Variants in TEX10 observed in about 807,000 individuals in gnomAD.
The protein encoded by TEX10 is testis expressed 10, also known as testis-expressed protein 10.
A neutral mutation model predicts 104.4 loss-of-function variants in TEX10; 24 were observed. That is an observed-to-expected ratio of 0.23 (90% CI 0.17 to 0.32). The LOEUF (loss-of-function observed/expected upper bound fraction) is 0.32. TEX10 is among the 10% of genes least tolerant of loss of function. TEX10 has a pLI of 1.00. For missense variants in TEX10, 921 were observed against 1,083.9 expected (o/e 0.85, Z 2.11); for synonymous variants, 396 against 393.4 (o/e 1.01, Z -0.08).
In TEX10 at chr9:100,302,934, C is replaced by CG. The variant is rs888969404; in HGVS notation, c.2677-631_2677-630insC. On this transcript the variant is annotated intron_variant, in intron 14 of 14. Coordinates refer to ENST00000374902, the MANE Select transcript of TEX10 (RefSeq NM_017746.4). ...ACAAGACACTTTTTTAACCGCCCCC[C>CG]CCCCAAACTAAAATCACCAAAGGAA... 1.4e-4 allele frequency among the ~76,000 whole-genome samples: 21 copies of CG among 146,060 alleles called. 1 individual carries two copies. The highest frequency in any genetic ancestry group is 6.6e-4 in the South Asian group (3 of 4,524).
At chr9:100,345,836 T>C (rs777453770) in intron 4 of TEX10, among the ~76,000 whole-genome samples, 18 of 151,326 alleles carry the variant, frequency 1.2e-4, no homozygotes, top group Non-Finnish European at 2.4e-4. Flanking sequence ...AAAAAACTAA[T>C]GGAACCAAGC....
Position 100,352,892 on chromosome 9 carries a change from A to G in TEX10, c.-130T>C. On this transcript the variant is annotated 5_prime_UTR_variant, in exon 1 of 15. Coordinates refer to ENST00000374902, the MANE Select transcript of TEX10 (RefSeq NM_017746.4). The stretch of plus-strand genomic sequence containing the variant: ...TCTAGCTCCCGGAGCGTGTTTTCAA[A>G]TAGCCTCGTCCTCACGCGGCCGCGT... 1 of 994,444 alleles carries G rather than the reference A, an allele frequency of 1.0e-6. No homozygotes were observed. Among genetic ancestry groups the G allele is most frequent in the Non-Finnish European group, 1.2e-6 (1 of 836,634 alleles). 61.6% of individuals were successfully genotyped at this position (994,444 alleles called of 1,614,324 possible).
intron 13 of TEX10, 71 bp downstream of exon 13, chr9:100,308,425 ACTGT>A (rs1371962128): frequency 1.2e-5 from 15 of 1,293,292 alleles, no homozygotes; most frequent in Non-Finnish European, 1.4e-5. Context: ...ATTATCTTTA[ACTGT>A]CTATTTTATT....
intron 13 of TEX10, chr9:100,307,010 T>C (rs1477009739): frequency 6.6e-6 from 1 of 152,230 alleles, no homozygotes; most frequent in Non-Finnish European, 1.5e-5. Context: ...AGTTCCTTGC[T>C]ACTTATAAAG....
In TEX10 at chr9:100,352,795, G is replaced by T. The variant is rs1052985810; in HGVS notation, c.-33C>A. 9.3e-7 allele frequency: 1 copy of T among 1,070,152 alleles called. No homozygotes were observed. The highest frequency in any genetic ancestry group is 1.1e-6 in the Non-Finnish European group (1 of 886,690). 66.3% of individuals were successfully genotyped at this position (1,070,152 alleles called of 1,614,324 possible). A position where few individuals can be genotyped will look rare whatever the true frequency, so the allele number is the denominator to read the frequency against. ...ACCTGAGGACCCGGCCGCGGCCGGG[G>T]CGAGAAGCCCGAGAAGACAAGCGAG... On this transcript the variant is annotated 5_prime_UTR_variant, in exon 1 of 15. Coordinates refer to ENST00000374902, the MANE Select transcript of TEX10 (RefSeq NM_017746.4).
intron 11 of TEX10, among the ~76,000 whole-genome samples, chr9:100,319,232 A>T (rs934989582): frequency 2.4e-4 from 36 of 152,096 alleles, no homozygotes; most frequent in African/African-American, 8.5e-4. Flanking sequence ...CAAAACAGTA[A>T]CAAAAAACTT....
chr9:100,329,795 G>T, intron 6 of TEX10, 136 bp downstream of exon 6: 1 of 769,492 alleles, frequency 1.3e-6, no homozygotes, highest in Non-Finnish European at 2.1e-6. Context: ...CAAGTAGACA[G>T]TAGCTACCTT....
intron 2 of TEX10, 34 bp from the exon 3 acceptor site, chr9:100,347,440 T>G: frequency 6.9e-7 from 1 of 1,443,482 alleles, no homozygotes; most frequent in Non-Finnish European, 9.3e-7. Flanking sequence ...AGATGTATAC[T>G]TATATACATG....
intron 5 of TEX10, among the ~76,000 whole-genome samples, chr9:100,333,135 T>A (rs1040441443): frequency 3.3e-5 from 5 of 152,034 alleles, no homozygotes; most frequent in African/African-American, 1.2e-4. Flanking sequence ...CAGCTAATTT[T>A]GTATTTTTAG....
chr9:100,303,146 CA>C (rs546041018), intron 14 of TEX10, among the ~76,000 whole-genome samples: 1 of 152,152 alleles, frequency 6.6e-6, no homozygotes, highest in Non-Finnish European at 1.5e-5. Context: ...GAGCACTTAA[CA>C]AATGTCAGGT....
intron 4 of TEX10, 111 bp from the exon 5 acceptor site, chr9:100,340,480 T>G (rs972223933): frequency 4.8e-6 from 3 of 628,430 alleles, no homozygotes; most frequent in Non-Finnish European, 8.0e-6. Context: ...ATAATTCACT[T>G]TCTACCAGTA....
At chr9:100,349,805 A>G (rs1323665421) in intron 1 of TEX10, among the ~76,000 whole-genome samples, 1 of 152,192 alleles carries the variant, frequency 6.6e-6, no homozygotes, top group Non-Finnish European at 1.5e-5. Flanking sequence ...TGGAAAACCA[A>G]TGTTATTCTT....
At chr9:100,322,486 A>C (rs1245611410) in intron 9 of TEX10, among the ~76,000 whole-genome samples, 2 of 152,252 alleles carry the variant, frequency 1.3e-5, no homozygotes, top group African/African-American at 4.8e-5. Context: ...GAGAATAATC[A>C]GACAAACTTA....
chr9:100,302,399 T>C, intron 14 of TEX10, 95 bp from the exon 15 acceptor site: 1 of 779,440 alleles, frequency 1.3e-6, no homozygotes, highest in Non-Finnish European at 2.1e-6. Flanking sequence ...TCCCAGAGCT[T>C]TGGCAACTGT....
intron 13 of TEX10, chr9:100,307,054 G>C (rs1167343949): frequency 6.6e-6 from 1 of 152,128 alleles, no homozygotes; most frequent in African/African-American, 2.4e-5. Flanking sequence ...AATGTTTGAT[G>C]ATGTATAAGA....
At chr9:100,321,835 G>T in intron 9 of TEX10, 64 bp from the exon 10 acceptor site, 1 of 1,207,040 alleles carries the variant, frequency 8.3e-7, no homozygotes. Flanking sequence ...GTCAAAGGTA[G>T]CACAGTATAT....
At chr9:100,347,549 T>A in intron 2 of TEX10, 143 bp from the exon 3 acceptor site, 1 of 564,128 alleles carries the variant, frequency 1.8e-6, no homozygotes, top group Non-Finnish European at 2.9e-6. Flanking sequence ...GTTATTTAGC[T>A]TTTGTTAGGA....
intron 9 of TEX10, among the ~76,000 whole-genome samples, chr9:100,323,222 A>G (rs570941312): frequency 1.3e-5 from 2 of 152,362 alleles, no homozygotes; most frequent in Non-Finnish European, 2.9e-5. Flanking sequence ...GCAATATATC[A>G]TACTGTCTTT....
chr9:100,329,329 C>T (rs1834793436), intron 6 of TEX10, 54 bp from the exon 7 acceptor site: 2 of 1,569,052 alleles, frequency 1.3e-6, no homozygotes, highest in East Asian at 2.3e-5. Context: ...TTTAACAGCC[C>T]CCAAATTCCT....
Sources: gnomAD v4.1 joint callset for allele counts (sites outside exome capture counted in the v4.1 genomes callset) on GRCh38, gnomAD v4.1.1 for gene constraint, MANE v1.5 for transcripts, NCBI Gene and HGNC (gene_info 2026-07-23, HGNC 2026-07-21) for gene names.